Variants in KDM6A observed in about 807,000 individuals in gnomAD.
The protein encoded by KDM6A is lysine demethylase 6A, also known as lysine-specific demethylase 6A.
In KDM6A, 11 loss-of-function variants were observed where a neutral mutation model predicts 117.6. The ratio of observed to expected loss-of-function variants is 0.09; its 90% CI spans 0.06 to 0.15. KDM6A has a LOEUF of 0.15. KDM6A is among the 10% of genes least tolerant of loss of function. The pLI, the probability that KDM6A is intolerant of heterozygous loss-of-function variation, is 1.00. For synonymous variants in KDM6A, 384 were observed against 396.1 expected (o/e 0.97, Z 0.36); for missense variants, 799 against 1,077.3 (o/e 0.74, Z 3.62).
At chrX:44,876,914 T>C (rs1001266690) in intron 2 of KDM6A, among the ~76,000 whole-genome samples, 15 of 111,356 alleles carry the variant, frequency 1.3e-4, no homozygotes, top group Non-Finnish European at 3.8e-5. Flanking sequence ...CATATACGTA[T>C]ACACACATAT....
intron 25 of KDM6A, among the ~76,000 whole-genome samples, chrX:45,087,697 G>A (rs1247028078): frequency 8.9e-6 from 1 of 112,089 alleles, no homozygotes; most frequent in Non-Finnish European, 1.9e-5. Context: ...TTTCTGAGTA[G>A]GGACTGGCTA....
chrX:44,896,767 C>T lies in KDM6A; in HGVS notation c.225+22780C>T, dbSNP rs7061219. ...TGCTGTGTATAGAATTCACAGTGGACAGTTATTTTCTTTAAGTACTTGACA... is the reference window on the plus strand; with the variant it reads ...TGCTGTGTATAGAATTCACAGTGGATAGTTATTTTCTTTAAGTACTTGACA... On this transcript the variant is annotated intron_variant, in intron 2 of 29. Coordinates refer to ENST00000611820, the MANE Select transcript of KDM6A (RefSeq NM_001291415.2). 4.2e-3 allele frequency among the ~76,000 whole-genome samples: 454 copies of T among 109,331 alleles called. 7 individuals carry two copies. The highest frequency in any genetic ancestry group is 0.014 in the African/African-American group (429 of 30,031). 94.9% of individuals were successfully genotyped at this position (109,331 alleles called of 115,157 possible). A position where few individuals can be genotyped will look rare whatever the true frequency, so the allele number is the denominator to read the frequency against.
chrX:45,051,208 C>A (rs1205987027), intron 8 of KDM6A, among the ~76,000 whole-genome samples: 2 of 111,071 alleles, frequency 1.8e-5, no homozygotes, highest in Non-Finnish European at 3.8e-5. Flanking sequence ...CGTGGTTTCA[C>A]TATGTTGGCC....
intron 2 of KDM6A, among the ~76,000 whole-genome samples, chrX:44,882,660 A>G (rs1189719739): frequency 8.9e-6 from 1 of 112,331 alleles, no homozygotes; most frequent in Non-Finnish European, 1.9e-5. Flanking sequence ...TTTTATTTTT[A>G]GGGAAAATTT....
At chrX:45,037,609 C>T (rs2147793280) in intron 7 of KDM6A, 46 bp from the exon 8 acceptor site, 7 of 1,089,107 alleles carry the variant, frequency 6.4e-6, no homozygotes, top group Non-Finnish European at 8.9e-6. Context: ...GCCCCAAATT[C>T]TGCTGTATTG....
At chrX:44,948,507 C>T (rs1158588688) in intron 2 of KDM6A, among the ~76,000 whole-genome samples, 1 of 111,781 alleles carries the variant, frequency 8.9e-6, no homozygotes, top group Non-Finnish European at 1.9e-5. Flanking sequence ...GCTTGCTTTA[C>T]AGTAGAAGAA....
intron 2 of KDM6A, among the ~76,000 whole-genome samples, chrX:44,960,212 G>A (rs1254190074): frequency 1.8e-5 from 2 of 111,147 alleles, no homozygotes; most frequent in Non-Finnish European, 3.8e-5. Context: ...CTTTCTTTGT[G>A]GATACCAAAC....
intron 5 of KDM6A, among the ~76,000 whole-genome samples, chrX:45,017,882 G>A (rs762969649): frequency 1.8e-5 from 2 of 111,771 alleles, no homozygotes; most frequent in East Asian, 2.8e-4. Context: ...AAAAATTGTC[G>A]TTGACCAGTT....
At chrX:44,947,839 G>A (rs750046764) in intron 2 of KDM6A, among the ~76,000 whole-genome samples, 1 of 111,566 alleles carries the variant, frequency 9.0e-6, no homozygotes, top group Non-Finnish European at 1.9e-5. Flanking sequence ...TGTTCTGAGC[G>A]GTTATCTTAT....
intron 4 of KDM6A, among the ~76,000 whole-genome samples, chrX:44,988,303 A>G (rs1168242684): frequency 1.1e-4 from 12 of 110,475 alleles, no homozygotes; most frequent in Admixed American, 9.7e-4. Context: ...CTAGTTAGCC[A>G]TTCATCTGAT....
At chrX:44,998,073 T>C (rs2040952099) in intron 4 of KDM6A, among the ~76,000 whole-genome samples, 1 of 111,645 alleles carries the variant, frequency 9.0e-6, no homozygotes, top group Non-Finnish European at 1.9e-5. Context: ...AGTGCATGTT[T>C]TGCACTTCAT....
intron 2 of KDM6A, among the ~76,000 whole-genome samples, chrX:44,884,280 T>TAA (rs1375757245): frequency 2.7e-5 from 3 of 110,472 alleles, no homozygotes; most frequent in Non-Finnish European, 5.7e-5. Flanking sequence ...GGGGCATTGT[T>TAA]AAACTGAACT....
intron 3 of KDM6A, among the ~76,000 whole-genome samples, chrX:44,961,894 A>G (rs2038690541): frequency 8.9e-6 from 1 of 111,928 alleles, no homozygotes; most frequent in South Asian, 3.7e-4. Flanking sequence ...CCTTTAAGAA[A>G]TAAGTGAGTT....
At position 44,873,427 on chromosome X, in the gene KDM6A, CGCGGCGGAGGAGGAG is replaced by C; in HGVS notation, c.-118_-104del. 2 of 987,207 alleles carry C rather than the reference CGCGGCGGAGGAGGAG, an allele frequency of 2.0e-6. No homozygotes were observed. The highest frequency in any genetic ancestry group is 1.4e-6 in the Non-Finnish European group (1 of 723,760). 81.4% of individuals were successfully genotyped at this position (987,207 alleles called of 1,213,427 possible). On this transcript the variant is annotated 5_prime_UTR_variant, in exon 1 of 30. Coordinates refer to ENST00000611820, the MANE Select transcript of KDM6A (RefSeq NM_001291415.2). ...GTTGGGATTTTTCGTCGCCGCCGCCCGCGGCGGAGGAGGAGGCGGCGATAAAGTTGGTGTGCTGGT... is the reference window on the plus strand; with the variant it reads ...GTTGGGATTTTTCGTCGCCGCCGCCCGCGGCGATAAAGTTGGTGTGCTGGT...
intron 2 of KDM6A, among the ~76,000 whole-genome samples, chrX:44,893,324 GTCT>G (rs1649738518): frequency 9.0e-6 from 1 of 111,253 alleles, no homozygotes; most frequent in Admixed American, 9.6e-5. Context: ...GTTTACTTAG[GTCT>G]TCTTTGATTT....
chrX:45,009,204 T>C (rs1307113387), intron 4 of KDM6A, among the ~76,000 whole-genome samples: 1 of 112,123 alleles, frequency 8.9e-6, no homozygotes, highest in Non-Finnish European at 1.9e-5. Flanking sequence ...CTTACAGTTA[T>C]TTCTTGATTA....
At chrX:45,034,824 G>T in intron 6 of KDM6A, 107 bp from the exon 7 acceptor site, 1 of 608,668 alleles carries the variant, frequency 1.6e-6, no homozygotes. Flanking sequence ...TATTTGCATA[G>T]CATGTATTTA....
chrX:45,016,503 G>A (rs866982722), intron 5 of KDM6A, among the ~76,000 whole-genome samples: 4 of 95,477 alleles, frequency 4.2e-5, no homozygotes, highest in Admixed American at 1.1e-4. Context: ...GTATGTATTT[G>A]TTTATTTATT....
At chrX:44,922,021 T>G (rs1488556004) in intron 2 of KDM6A, among the ~76,000 whole-genome samples, 8 of 89,310 alleles carry the variant, frequency 9.0e-5, no homozygotes, top group African/African-American at 2.9e-4. Context: ...AAATTCATTG[T>G]GTGTGCCTTT....
Sources: allele counts gnomAD v4.1 joint callset (sites outside exome capture counted in the v4.1 genomes callset), GRCh38; gene constraint gnomAD v4.1.1; transcripts MANE v1.5; gene names NCBI Gene and HGNC (gene_info 2026-07-23, HGNC 2026-07-21).